Variants in KIAA1217 observed in about 807,000 individuals in gnomAD.
KIAA1217 encodes the protein KIAA1217, also known as sickle tail protein homolog.
KIAA1217 carries 88 observed loss-of-function variants against 163.9 expected under a neutral mutation model. The ratio of observed to expected loss-of-function variants is 0.54; its 90% CI spans 0.45 to 0.64. KIAA1217 has a LOEUF of 0.64. Ranked by LOEUF, KIAA1217 falls within the 30% of genes least tolerant of loss-of-function variation. The pLI, the probability that KIAA1217 is intolerant of heterozygous loss-of-function variation, is 0.00. For synonymous variants in KIAA1217, 903 were observed against 923.1 expected (o/e 0.98, Z 0.39); for missense variants, 2,372 against 2,475.0 (o/e 0.96, Z 0.88).
intron 2 of KIAA1217, chr10:24,157,734 A>G: frequency 3.5e-6 from 1 of 289,820 alleles, no homozygotes; most frequent in Non-Finnish European, 6.3e-6. Context: ...AGTATAGCTA[A>G]AATTAAAAAG....
At chr10:24,338,686 C>CT (rs1426679603) in intron 2 of KIAA1217, among the ~76,000 whole-genome samples, 1 of 152,114 alleles carries the variant, frequency 6.6e-6, no homozygotes, top group Non-Finnish European at 1.5e-5. Context: ...AACGTATTTG[C>CT]TTTTTCCTCA....
intron 9 of KIAA1217, among the ~76,000 whole-genome samples, chr10:24,509,910 T>A (rs1395137515): frequency 1.3e-5 from 2 of 152,152 alleles, no homozygotes; most frequent in African/African-American, 2.4e-5. Context: ...AAGGTCTTCA[T>A]CCTCATTGTC....
At chr10:24,495,099 A>G (rs754357764) in intron 7 of KIAA1217, 48 bp from the exon 8 acceptor site, 38 of 1,505,828 alleles carry the variant, frequency 2.5e-5, no homozygotes, top group South Asian at 1.2e-4. Context: ...AAAAAAAAAA[A>G]AGGCATTTTG....
At chr10:24,126,711 C>G (rs2063484529) in intron 2 of KIAA1217, among the ~76,000 whole-genome samples, 1 of 152,142 alleles carries the variant, frequency 6.6e-6, no homozygotes, top group East Asian at 1.9e-4. Flanking sequence ...CCACATAGCC[C>G]TGGTTATAAA....
intron 2 of KIAA1217, among the ~76,000 whole-genome samples, chr10:24,135,509 T>C (rs1182147967): frequency 2.0e-5 from 3 of 151,562 alleles, no homozygotes; most frequent in African/African-American, 7.3e-5. Context: ...AGAAATAAAA[T>C]GGATAATGGG....
chr10:24,167,909 A>G (rs1352630962), intron 2 of KIAA1217, among the ~76,000 whole-genome samples: 2 of 152,174 alleles, frequency 1.3e-5, no homozygotes, highest in East Asian at 3.8e-4. Flanking sequence ...AAGAAACCTC[A>G]AGATGGGAGC....
intron 1 of KIAA1217, among the ~76,000 whole-genome samples, chr10:23,996,510 G>T (rs1846491683): frequency 6.6e-6 from 1 of 152,060 alleles, no homozygotes; most frequent in African/African-American, 2.4e-5. Context: ...CTGTCACAGT[G>T]CCTGGTACAC....
intron 2 of KIAA1217, chr10:24,368,910 C>T: frequency 4.3e-6 from 4 of 926,410 alleles, no homozygotes; most frequent in Non-Finnish European, 5.1e-6. Context: ...CAACATTTTT[C>T]CAATTACTTC....
At position 23,838,740 on chromosome 10, in the gene KIAA1217, C is replaced by T. The variant is rs548119739; in HGVS notation, c.-321+143506C>T. Among the ~76,000 whole-genome samples, 34 of 152,274 alleles carry T rather than the reference C, an allele frequency of 2.2e-4. No homozygotes were observed. The South Asian group carries it at 2.9e-3, about 13-fold the overall frequency. On this transcript the variant is annotated intron_variant, in intron 1 of 18. Coordinates refer to the KIAA1217 transcript ENST00000376462. Reference sequence around the variant, plus strand: ...CCTCCCAAAGTGTTGGGATAACAGGCGTGAACCAGCACACCCAGCCGCTTA... The same window carrying T: ...CCTCCCAAAGTGTTGGGATAACAGGTGTGAACCAGCACACCCAGCCGCTTA...
At chr10:24,516,082 A>G (rs933116096) in intron 10 of KIAA1217, among the ~76,000 whole-genome samples, 31 of 152,226 alleles carry the variant, frequency 2.0e-4, no homozygotes, top group African/African-American at 6.8e-4. Context: ...AAAACAAGAA[A>G]GAAGAAAGAA....
chr10:24,406,421 C>CACACACACA, intron 3 of KIAA1217, among the ~76,000 whole-genome samples: 1 of 129,120 alleles, frequency 7.7e-6, no homozygotes, highest in African/African-American at 3.1e-5. Flanking sequence ...ACACACACAC[C>CACACACACA]ATACAGGATG....
chr10:24,495,084 T>TA, intron 7 of KIAA1217, 63 bp from the exon 8 acceptor site: 56 of 1,095,300 alleles, frequency 5.1e-5, no homozygotes, highest in Non-Finnish European at 5.9e-5. Flanking sequence ...GGAATGGGCT[T>TA]TAAAAAAAAA....
intron 2 of KIAA1217, among the ~76,000 whole-genome samples, chr10:24,099,877 T>C (rs754636557): frequency 6.6e-6 from 1 of 152,074 alleles, no homozygotes; most frequent in African/African-American, 2.4e-5. Flanking sequence ...CAGGGGTAGA[T>C]AGGTTACTAG....
At chr10:23,953,506 CT>C (rs1336562102) in intron 1 of KIAA1217, among the ~76,000 whole-genome samples, 1 of 152,186 alleles carries the variant, frequency 6.6e-6, no homozygotes, top group Non-Finnish European at 1.5e-5. Flanking sequence ...AGTTATATGG[CT>C]TTGCCCAACT....
chr10:24,080,965 C>G (rs528749698), intron 2 of KIAA1217, among the ~76,000 whole-genome samples: 1 of 152,140 alleles, frequency 6.6e-6, no homozygotes, highest in African/African-American at 2.4e-5. Context: ...TAGGAGTTAA[C>G]GTGTCACACA....
chr10:24,470,860 C>T (rs2063438183), intron 5 of KIAA1217, among the ~76,000 whole-genome samples: 1 of 152,166 alleles, frequency 6.6e-6, no homozygotes, highest in African/African-American at 2.4e-5. Context: ...AGGGATTCTA[C>T]ACCGCTGGAT....
At chr10:24,016,635 A>C (rs568883712) in intron 2 of KIAA1217, among the ~76,000 whole-genome samples, 7 of 152,146 alleles carry the variant, frequency 4.6e-5, no homozygotes, top group Non-Finnish European at 7.4e-5. Context: ...TATTGTAACT[A>C]TAGTAATTAA....
intron 5 of KIAA1217, among the ~76,000 whole-genome samples, chr10:24,439,041 A>T (rs1298379177): frequency 2.0e-5 from 3 of 152,220 alleles, no homozygotes; most frequent in Non-Finnish European, 4.4e-5. Context: ...AATCCGCATG[A>T]TTTGGGAACT....
chr10:24,283,911 T>A (rs1490302367), intron 2 of KIAA1217, among the ~76,000 whole-genome samples: 1 of 72,116 alleles, frequency 1.4e-5, no homozygotes, highest in Non-Finnish European at 3.6e-5. Context: ...TTTCCTTTAT[T>A]TTTTTTTTAT....
Sources: allele counts gnomAD v4.1 joint callset (sites outside exome capture counted in the v4.1 genomes callset), GRCh38; gene constraint gnomAD v4.1.1; transcripts MANE v1.5; gene names NCBI Gene and HGNC (gene_info 2026-07-23, HGNC 2026-07-21).